The following CAMK1D variants were observed in gnomAD, a reference collection of about 807,000 sequenced individuals.
CAMK1D encodes calcium/calmodulin dependent protein kinase ID.
A neutral mutation model predicts 47.7 loss-of-function variants in CAMK1D; 9 were observed. The observed-to-expected ratio is 0.19, with a 90% CI of 0.11 to 0.33. The LOEUF is 0.33. Ranked by LOEUF, CAMK1D falls within the 10% of genes least tolerant of loss-of-function variation. The pLI is 1.00. For missense variants in CAMK1D, 291 were observed against 488.7 expected (o/e 0.60, Z 3.81); for synonymous variants, 184 against 184.9 (o/e 0.99, Z 0.04).
intron 3 of CAMK1D, among the ~76,000 whole-genome samples, chr10:12,692,334 C>T (rs777939107): frequency 1.3e-5 from 2 of 152,134 alleles, no homozygotes; most frequent in African/African-American, 2.4e-5. Context: ...CAAGAATACA[C>T]ACATATACAC....
intron 1 of CAMK1D, among the ~76,000 whole-genome samples, chr10:12,403,186 C>T (rs141534161): frequency 1.5e-3 from 236 of 152,342 alleles, no homozygotes; most frequent in African/African-American, 5.4e-3. Flanking sequence ...ACGTTGGACA[C>T]GTGAAGCCAG....
intron 2 of CAMK1D, among the ~76,000 whole-genome samples, chr10:12,663,438 C>A (rs917398827): frequency 3.3e-5 from 5 of 152,038 alleles, no homozygotes; most frequent in Non-Finnish European, 5.9e-5. Context: ...GCATTATATC[C>A]CTCAAATCTG....
chr10:12,772,089 C>T (rs1049698737), intron 5 of CAMK1D, among the ~76,000 whole-genome samples: 13 of 151,122 alleles, frequency 8.6e-5, no homozygotes, highest in African/African-American at 2.2e-4. Context: ...ACATAGTAGT[C>T]GATCATCTCT....
At chr10:12,368,381 G>A (rs1478842957) in intron 1 of CAMK1D, among the ~76,000 whole-genome samples, 2 of 151,764 alleles carry the variant, frequency 1.3e-5, no homozygotes, top group African/African-American at 2.4e-5. Context: ...ACTCTAGCCT[G>A]GGTCAAACAG....
intron 6 of CAMK1D, among the ~76,000 whole-genome samples, chr10:12,811,254 G>A (rs1183036222): frequency 1.3e-5 from 2 of 152,216 alleles, no homozygotes; most frequent in Non-Finnish European, 2.9e-5. Flanking sequence ...TGGAACATTC[G>A]TTAACAACCC....
chr10:12,810,794 A>T (rs1003897083), intron 6 of CAMK1D, among the ~76,000 whole-genome samples: 2 of 152,240 alleles, frequency 1.3e-5, no homozygotes, highest in Non-Finnish European at 2.9e-5. Context: ...CAGGCCTAAA[A>T]ATCCGACAGA....
intron 1 of CAMK1D, among the ~76,000 whole-genome samples, chr10:12,440,536 C>T (rs1182140399): frequency 6.6e-6 from 1 of 152,196 alleles, no homozygotes. Context: ...GATCCGCCCA[C>T]CTCGGCCTCC....
At chr10:12,482,854 T>G (rs1243387839) in intron 1 of CAMK1D, among the ~76,000 whole-genome samples, 1 of 152,228 alleles carries the variant, frequency 6.6e-6, no homozygotes, top group Non-Finnish European at 1.5e-5. Flanking sequence ...CCGCGCTTTC[T>G]GTTACTAAGG....
intron 1 of CAMK1D, among the ~76,000 whole-genome samples, chr10:12,523,655 G>T (rs2132200595): frequency 6.6e-6 from 1 of 152,338 alleles, no homozygotes; most frequent in African/African-American, 2.4e-5. Flanking sequence ...TGAGGCAGGA[G>T]AATCAGGCAG....
At chr10:12,813,930 A>G (rs535592633) in intron 6 of CAMK1D, among the ~76,000 whole-genome samples, 105 of 139,570 alleles carry the variant, frequency 7.5e-4, no homozygotes, top group African/African-American at 2.8e-3. Flanking sequence ...CAGCCACCAC[A>G]CCATGTCAGC....
At chr10:12,413,572 G>GC (rs1839743464) in intron 1 of CAMK1D, among the ~76,000 whole-genome samples, 1 of 148,148 alleles carries the variant, frequency 6.8e-6, no homozygotes, top group East Asian at 2.0e-4. Flanking sequence ...TGATGACATT[G>GC]GGGATGATGA....
chr10:12,659,840 A>G (rs1271301256), intron 2 of CAMK1D, among the ~76,000 whole-genome samples: 1 of 152,196 alleles, frequency 6.6e-6, no homozygotes, highest in Admixed American at 6.5e-5. Context: ...CTGGTCCTCT[A>G]TGGCCTTTGC....
intron 1 of CAMK1D, among the ~76,000 whole-genome samples, chr10:12,383,381 A>G (rs916862535): frequency 2.0e-5 from 3 of 152,340 alleles, no homozygotes; most frequent in Admixed American, 6.5e-5. Flanking sequence ...ATTTCAGAAC[A>G]TGCTCAGAAT....
intron 1 of CAMK1D, among the ~76,000 whole-genome samples, chr10:12,357,113 T>G (rs149912371): frequency 1.2e-3 from 186 of 152,268 alleles, no homozygotes; most frequent in African/African-American, 4.3e-3. Flanking sequence ...CAGCGGAGAT[T>G]TGTCACATTA....
At chr10:12,777,520 G>A (rs1238433719) in intron 5 of CAMK1D, among the ~76,000 whole-genome samples, 1 of 151,948 alleles carries the variant, frequency 6.6e-6, no homozygotes, top group Non-Finnish European at 1.5e-5. Context: ...TTACAGGCAT[G>A]CGCCACCATG....
chr10:12,663,208 A>G (rs1840329404), intron 2 of CAMK1D, among the ~76,000 whole-genome samples: 2 of 151,906 alleles, frequency 1.3e-5, no homozygotes, highest in African/African-American at 4.8e-5. Context: ...TGACCTGCCC[A>G]CCTCGGCCTC....
rs1452610640 is a variant in CAMK1D, at chr10:12,776,892, A to T, written c.565+7093A>T. 2.0e-5 allele frequency among the ~76,000 whole-genome samples: 3 copies of T among 152,186 alleles called. No homozygotes were observed. In the South Asian group the frequency reaches 6.2e-4, roughly 32 times the overall value. On this transcript the variant is annotated intron_variant, in intron 5 of 10. Transcript: ENST00000619168. The stretch of plus-strand genomic sequence containing the variant: ...TTACAGTCTGAGCTGAAACATGAAG[A>T]AGGAGCACCACCTCATTCCGCCTGA...
At chr10:12,349,970 C>A in intron 1 of CAMK1D, 60 bp downstream of exon 1, 1 of 926,706 alleles carries the variant, frequency 1.1e-6, no homozygotes, top group Non-Finnish European at 1.5e-6. Flanking sequence ...GCACGGGCAG[C>A]TCCAGCTGCC....
intron 1 of CAMK1D, among the ~76,000 whole-genome samples, chr10:12,355,764 A>C (rs148467025): frequency 5.0e-4 from 76 of 152,306 alleles, no homozygotes; most frequent in African/African-American, 1.7e-3. Context: ...TACATTTAAA[A>C]ATATCGGTTG....
Sources: allele counts gnomAD v4.1 joint callset (sites outside exome capture counted in the v4.1 genomes callset), GRCh38; gene constraint gnomAD v4.1.1; transcripts MANE v1.5; gene names NCBI Gene and HGNC (gene_info 2026-07-23, HGNC 2026-07-21).